The following MED23 variants were observed in gnomAD, a reference collection of about 807,000 sequenced individuals.
MED23 encodes the protein mediator complex subunit 23.
MED23 carries 105 observed loss-of-function variants against 163.9 expected under a neutral mutation model. That is an observed-to-expected ratio of 0.64 (90% CI 0.55 to 0.75). MED23 has a LOEUF of 0.75. MED23 is among the 30% of genes least tolerant of loss of function. The pLI is 0.00. For missense variants in MED23, 1,054 were observed against 1,649.0 expected (o/e 0.64, Z 6.25); for synonymous variants, 561 against 565.6 (o/e 0.99, Z 0.12).
chr6:131,578,725 T>C (rs1489332563), intron 30 of MED23, among the ~76,000 whole-genome samples: 1 of 152,058 alleles, frequency 6.6e-6, no homozygotes, highest in Non-Finnish European at 1.5e-5. Context: ...TTAATTATTA[T>C]CAAAATGAAG....
chr6:131,574,230 T>G, exon 31 of MED23: 4 of 1,602,024 alleles, frequency 2.5e-6, no homozygotes, highest in Non-Finnish European at 3.4e-6. Flanking sequence ...TCCAGGTTTC[T>G]CAGGATCTGG....
chr6:131,582,746 C>T (rs552025085), downstream of MED23: 7 of 1,597,448 alleles, frequency 4.4e-6, no homozygotes, highest in Admixed American at 1.7e-5. Flanking sequence ...GATTTGCCTC[C>T]ATTTTTGTCC....
Position 131,592,469 on chromosome 6 carries a change from G to A in MED23, c.3399-9C>T, listed in dbSNP as rs17060426. The A allele has an allele frequency of 2.2e-3, 3,594 of 1,612,354 alleles. 70 individuals carry two copies. The African/African-American group carries it at 0.042, about 19-fold the overall frequency. The stretch of plus-strand genomic sequence containing the variant: ...TTGGCACTAAAGGCTGACTGCAACC[G>A]GCAAAAAAGAATGTAAGTATGAATT... On this transcript the variant is annotated splice_polypyrimidine_tract_variant and intron_variant, in intron 24 of 28. Transcript: ENST00000368068.
At chr6:131,623,572 T>C (rs1777269778) in intron 4 of MED23, 110 bp from the exon 5 acceptor site, 1 of 842,318 alleles carries the variant, frequency 1.2e-6, no homozygotes, top group Non-Finnish European at 2.0e-6. Context: ...TCTTGAATTG[T>C]AGTTCCCATA....
rs772072813 is a variant in MED23 at position 131,596,068 on chromosome 6, A to G, written c.2874T>C (p.Asn958=). ...QSPYLPIYFG[N]VCLRFLPVFD... is the part of the protein sequence containing the mutation. ...ATACTGGAAGGAATCGAAGACACAC[A>G]TTCCCAAAATAGATGGGCAGATAGG... Residue 958 remains asparagine, a synonymous_variant, in exon 22 of 29, where the codon AAT becomes AAC. Coordinates refer to ENST00000368068, the MANE Select transcript of MED23 (RefSeq NM_004830.4). 1 of 1,614,028 alleles carries G rather than the reference A, an allele frequency of 6.2e-7. No homozygotes were observed. Among genetic ancestry groups the G allele is most frequent in the African/African-American group, 1.3e-5 (1 of 74,926 alleles).
At position 131,610,094 on chromosome 6, in the gene MED23, A is replaced by C. The variant is rs1776169023; in HGVS notation, c.1029T>G (p.Leu343=). The C allele has an allele frequency of 1.2e-6, 2 of 1,613,886 alleles. No individual in the cohort carries two copies. The highest frequency in any genetic ancestry group is 1.7e-6 in the Non-Finnish European group (2 of 1,179,944). ...HLSSQLIFFV[L]FQFASFPHMV... ...TATGTGGAAAACTTGCAAACTGGAAAAGCACAAAGAAAATGAGCTGACTTG... is the reference window on the plus strand; with the variant it reads ...TATGTGGAAAACTTGCAAACTGGAACAGCACAAAGAAAATGAGCTGACTTG... Residue 343 remains leucine, a synonymous_variant, in exon 11 of 29, where the codon CTT becomes CTG. Coordinates refer to ENST00000368068, the MANE Select transcript of MED23 (RefSeq NM_004830.4).
chr6:131,618,572 ATTCACTTCACAAATATTT>A, intron 8 of MED23, 53 bp from the exon 9 acceptor site: 1 of 1,121,586 alleles, frequency 8.9e-7, no homozygotes. Flanking sequence ...GCAGTACTTC[ATTCACTTCACAAATATTT>A]AATGAACATA....
chr6:131,582,469 C>A, downstream of MED23: 1 of 672,924 alleles, frequency 1.5e-6, no homozygotes, highest in Non-Finnish European at 2.5e-6. Flanking sequence ...GGCACACATC[C>A]TCTTCTTAAT....
chr6:131,619,995 T>TA, intron 7 of MED23, 99 bp from the exon 8 acceptor site: 5 of 795,868 alleles, frequency 6.3e-6, no homozygotes, highest in Non-Finnish European at 8.7e-6. Flanking sequence ...AATGAGATAA[T>TA]ATATGTAAAG....
At chr6:131,619,704 TAG>T in intron 8 of MED23, 121 bp downstream of exon 8, 1 of 743,116 alleles carries the variant, frequency 1.3e-6, no homozygotes, top group South Asian at 1.5e-5. Context: ...ATTAAGCTCT[TAG>T]AGAGTCACCA....
intron 4 of MED23, among the ~76,000 whole-genome samples, chr6:131,624,366 G>C (rs972615802): frequency 1.3e-5 from 2 of 152,182 alleles, no homozygotes; most frequent in African/African-American, 4.8e-5. Context: ...CAAGGTGAGG[G>C]CCTGCGGAGG....
chr6:131,615,861 G>A, intron 10 of MED23, 46 bp downstream of exon 10: 1 of 1,372,380 alleles, frequency 7.3e-7, no homozygotes, highest in East Asian at 2.3e-5. Context: ...AAAGAATAGT[G>A]CAGATTCTAT....
In MED23 at chr6:131,596,546, C is replaced by T. The variant is rs755148992; in HGVS notation, c.2750G>A (p.Trp917Ter). The T allele has an allele frequency of 3.7e-6, 6 of 1,614,042 alleles. No individual in the cohort carries two copies. Among genetic ancestry groups the T allele is most frequent in the Non-Finnish European group, 5.1e-6 (6 of 1,180,026 alleles). Reference sequence around the variant, plus strand: ...GTGATAATTCATGTGCTTGGTGTGCCAGTCATTCTGTAACCAGTGCTCTGG... The same window carrying T: ...GTGATAATTCATGTGCTTGGTGTGCTAGTCATTCTGTAACCAGTGCTCTGG... ...NSPEHWLQND[W>*]HTKHMNYHKK... Residue 917 changes from tryptophan to a stop codon, truncating the protein, a stop_gained, in exon 21 of 29, where the codon TGG becomes TAG. Coordinates refer to ENST00000368068, the MANE Select transcript of MED23 (RefSeq NM_004830.4). LOFTEE classifies it high-confidence loss of function.
At position 131,600,180 on chromosome 6, in the gene MED23, G is replaced by A. The variant is rs539869090; in HGVS notation, c.2096-18C>T. 3.2e-6 allele frequency: 5 copies of A among 1,586,204 alleles called. No individual in the cohort carries two copies. The South Asian group carries it at 5.5e-5, about 18-fold the overall frequency. The stretch of plus-strand genomic sequence containing the variant: ...AAAAAAATCTAAACATAAACAAATA[G>A]ATGTAATCCAGATATAAATGATTAT... On this transcript the variant is annotated intron_variant, in intron 17 of 28. Coordinates refer to ENST00000368068, the MANE Select transcript of MED23 (RefSeq NM_004830.4).
At chr6:131,624,251 G>T (rs1350105160) in intron 4 of MED23, among the ~76,000 whole-genome samples, 1 of 152,192 alleles carries the variant, frequency 6.6e-6, no homozygotes, top group African/African-American at 2.4e-5. Context: ...ATGGCCAAAA[G>T]GATGCAGTAT....
chr6:131,605,122 T>A (rs965915773), intron 14 of MED23, 118 bp downstream of exon 14: 5 of 1,109,726 alleles, frequency 4.5e-6, no homozygotes, highest in Non-Finnish European at 6.4e-6. Context: ...AAGCTAACTT[T>A]TTTTTCTCAA....
At chr6:131,627,588 T>A (rs748327473) in intron 2 of MED23, 53 bp downstream of exon 2, 626 of 1,606,080 alleles carry the variant, frequency 3.9e-4, no homozygotes, top group Non-Finnish European at 5.0e-4. Context: ...CTAAGTAAAA[T>A]CTGACAGACA....
At chr6:131,585,275 C>T (rs184173047), downstream of MED23, among the ~76,000 whole-genome samples, 1 of 152,240 alleles carries the variant, frequency 6.6e-6, no homozygotes, top group East Asian at 1.9e-4. Flanking sequence ...AGTTTTTCTC[C>T]TCCCAGTAAT....
chr6:131,576,569 A>T, intron 30 of MED23: 1 of 1,202,390 alleles, frequency 8.3e-7, no homozygotes. Flanking sequence ...AATGATAGTT[A>T]CAGTTCAACT....
Sources: allele counts gnomAD v4.1 joint callset (sites outside exome capture counted in the v4.1 genomes callset), GRCh38; gene constraint gnomAD v4.1.1; transcripts MANE v1.5; gene names NCBI Gene and HGNC (gene_info 2026-07-23, HGNC 2026-07-21).